The following COL8A1 variants were observed in gnomAD, a reference collection of about 807,000 sequenced individuals.
COL8A1 encodes collagen alpha-1(VIII) chain.
A neutral mutation model predicts 42.7 loss-of-function variants in COL8A1; 21 were observed. That is an observed-to-expected ratio of 0.49 (90% confidence interval 0.35 to 0.71). COL8A1 has a LOEUF of 0.71. Ranked by LOEUF, COL8A1 falls within the 30% of genes least tolerant of loss-of-function variation. COL8A1 has a pLI of 0.01. For synonymous variants in COL8A1, 367 were observed against 369.1 expected, an observed-to-expected ratio of 0.99 and a Z score of 0.06; for missense variants, 788 against 962.4, an observed-to-expected ratio of 0.82 and a Z score of 2.40.
At chr3:99,702,962 C>A (rs991452855) in intron 1 of COL8A1, among the ~76,000 whole-genome samples, 3 of 152,102 alleles carry the variant, frequency 2.0e-5, no homozygotes, top group African/African-American at 7.2e-5. Context: ...AAAGCCCATG[C>A]AAATATTTTG....
At chr3:99,789,142 G>T (rs1204334068) in intron 2 of COL8A1, among the ~76,000 whole-genome samples, 3 of 152,066 alleles carry the variant, frequency 2.0e-5, no homozygotes, top group Non-Finnish European at 4.4e-5. Flanking sequence ...ATTTTATTAG[G>T]TGTTTTATTA....
At chr3:99,657,633 A>G (rs997429183) in intron 1 of COL8A1, among the ~76,000 whole-genome samples, 1 of 152,196 alleles carries the variant, frequency 6.6e-6, no homozygotes, top group African/African-American at 2.4e-5. Flanking sequence ...TCTTAGCTTC[A>G]GGCCATCCTG....
At chr3:99,755,299 T>G (rs141173326) in intron 2 of COL8A1, among the ~76,000 whole-genome samples, 8 of 152,220 alleles carry the variant, frequency 5.3e-5, no homozygotes, top group Non-Finnish European at 1.2e-4. Flanking sequence ...CTCCCTCTGA[T>G]AGTTGAGTTT....
Position 99,795,625 on chromosome 3 carries a change from C to T in COL8A1, c.1724C>T (p.Pro575Leu). Residue 575 changes from proline (P) to leucine (L), a missense_variant, in exon 4 of 4, where the codon CCC (proline) becomes CTC (leucine). Pro to Leu is a moderately conservative substitution (Grantham distance 98). Coordinates refer to ENST00000652472, the MANE Select transcript of COL8A1 (RefSeq NM_020351.4). ...CCTCCAGGACCCCCAGCTGTGATGC[C>T]CCCTACACCACCACCCCAGGGAGAG... Reference protein sequence around the residue: ...PGPPGPPAVMPPTPPPQGEYL... With the variant: ...PGPPGPPAVMLPTPPPQGEYL... 1 of 1,613,554 alleles carries T rather than the reference C, an allele frequency of 6.2e-7. No homozygotes were observed. Among genetic ancestry groups the T allele is most frequent in the Non-Finnish European group, 8.5e-7 (1 of 1,179,694 alleles).
chr3:99,671,329 C>T (rs1219176300), intron 1 of COL8A1, among the ~76,000 whole-genome samples: 1 of 151,884 alleles, frequency 6.6e-6, no homozygotes, highest in East Asian at 1.9e-4. Flanking sequence ...AAACTTAATG[C>T]TCTTGATGTG....
intron 2 of COL8A1, among the ~76,000 whole-genome samples, chr3:99,770,951 G>T (rs1212718696): frequency 6.6e-6 from 1 of 152,206 alleles, no homozygotes; most frequent in Non-Finnish European, 1.5e-5. Flanking sequence ...GGTCAAGGAA[G>T]TCTTGTCTGA....
intron 2 of COL8A1, among the ~76,000 whole-genome samples, chr3:99,763,558 A>G (rs1365303738): frequency 2.0e-5 from 3 of 152,178 alleles, no homozygotes; most frequent in South Asian, 4.1e-4. Flanking sequence ...TTAAAGTCCT[A>G]TGAGGTCGGT....
intron 1 of COL8A1, among the ~76,000 whole-genome samples, chr3:99,735,855 C>G (rs1940693635): frequency 6.6e-6 from 1 of 152,050 alleles, no homozygotes; most frequent in African/African-American, 2.4e-5. Flanking sequence ...TTCAGAGATT[C>G]AACTTCTTCC....
chr3:99,732,009 G>A (rs1215683445), intron 1 of COL8A1, among the ~76,000 whole-genome samples: 1 of 152,136 alleles, frequency 6.6e-6, no homozygotes, highest in Non-Finnish European at 1.5e-5. Context: ...CACCAGAGCT[G>A]GAAGGGGCAG....
chr3:99,759,312 G>T (rs1420887107), intron 2 of COL8A1, among the ~76,000 whole-genome samples: 1 of 152,070 alleles, frequency 6.6e-6, no homozygotes, highest in African/African-American at 2.4e-5. Context: ...CATAACAAAT[G>T]AAAAGCAAAG....
chr3:99,766,034 C>A (rs890066616), intron 2 of COL8A1, among the ~76,000 whole-genome samples: 1 of 152,062 alleles, frequency 6.6e-6, no homozygotes, highest in Non-Finnish European at 1.5e-5. Flanking sequence ...CATAGATATG[C>A]CGAAGGTACC....
chr3:99,671,981 G>A (rs764559566), intron 1 of COL8A1, among the ~76,000 whole-genome samples: 37 of 152,018 alleles, frequency 2.4e-4, no homozygotes, highest in Admixed American at 5.9e-4. Context: ...AAAAAAGCAG[G>A]TGTTTGGAAA....
intron 2 of COL8A1, among the ~76,000 whole-genome samples, chr3:99,753,472 A>ACTG (rs1169671555): frequency 3.9e-5 from 6 of 152,308 alleles, no homozygotes; most frequent in African/African-American, 1.4e-4. Context: ...TGGGAAAGAA[A>ACTG]CTGCCTGACT....
intron 1 of COL8A1, among the ~76,000 whole-genome samples, chr3:99,644,126 T>C (rs777749310): frequency 5.9e-5 from 9 of 152,070 alleles, no homozygotes; most frequent in Non-Finnish European, 1.2e-4. Context: ...CTACAAGAGA[T>C]TTTAATAGCA....
chr3:99,708,208 A>G (rs1939737382), intron 1 of COL8A1, among the ~76,000 whole-genome samples: 1 of 152,172 alleles, frequency 6.6e-6, no homozygotes, highest in Non-Finnish European at 1.5e-5. Flanking sequence ...ATCATCCTCA[A>G]CCACTTCTCA....
At chr3:99,700,280 T>C (rs998793168) in intron 1 of COL8A1, among the ~76,000 whole-genome samples, 1 of 151,910 alleles carries the variant, frequency 6.6e-6, no homozygotes, top group Non-Finnish European at 1.5e-5. Flanking sequence ...GTGTATCCTG[T>C]TGCTTTTTTT....
chr3:99,726,888 G>A (rs1244693190), intron 1 of COL8A1, among the ~76,000 whole-genome samples: 18 of 152,078 alleles, frequency 1.2e-4, no homozygotes, highest in African/African-American at 1.9e-4. Context: ...TTGACTTGGC[G>A]ATGCGGGCTC....
intron 2 of COL8A1, among the ~76,000 whole-genome samples, chr3:99,760,917 C>G (rs1181788445): frequency 6.6e-6 from 1 of 152,170 alleles, no homozygotes; most frequent in African/African-American, 2.4e-5. Flanking sequence ...ACATAGCCAG[C>G]AAAGCCTCGT....
chr3:99,733,125 T>A (rs879547112), intron 1 of COL8A1, among the ~76,000 whole-genome samples: 1 of 150,914 alleles, frequency 6.6e-6, no homozygotes, highest in Non-Finnish European at 1.5e-5. Context: ...TTTCTTTTTT[T>A]TTTTTTTTTA....
Sources: gnomAD v4.1 joint callset for allele counts (sites outside exome capture counted in the v4.1 genomes callset) on GRCh38, gnomAD v4.1.1 for gene constraint, MANE v1.5 for transcripts, NCBI Gene and HGNC (gene_info 2026-07-23, HGNC 2026-07-21) for gene names.